The following TEX11 variants were observed in gnomAD, a reference collection of about 807,000 sequenced individuals.
The protein encoded by TEX11 is testis-expressed protein 11.
TEX11 carries 7 observed loss-of-function variants against 84.4 expected under a neutral mutation model. That is an observed-to-expected ratio of 0.08 (90% CI 0.05 to 0.16). TEX11 has a LOEUF of 0.16. Among genes scored for constraint, TEX11 ranks in the 10% least tolerant of loss-of-function variants. The pLI is 1.00. For synonymous variants in TEX11, 264 were observed against 222.8 expected (o/e 1.18, Z -1.64); for missense variants, 551 against 660.5 (o/e 0.83, Z 1.82).
At chrX:70,822,068 C>T (rs558371008) in intron 8 of TEX11, among the ~76,000 whole-genome samples, 3 of 110,863 alleles carry the variant, frequency 2.7e-5, no homozygotes, top group South Asian at 3.8e-4. Context: ...CTCTAGATTA[C>T]TTATAATATC....
chrX:70,662,231 T>G (rs985637610), intron 16 of TEX11, among the ~76,000 whole-genome samples: 13 of 111,666 alleles, frequency 1.2e-4, no homozygotes, highest in African/African-American at 3.6e-4. Flanking sequence ...CAAGCCTCAG[T>G]AGCCGATTCG....
chrX:70,703,327 A>C (rs995890360), intron 13 of TEX11, among the ~76,000 whole-genome samples: 5 of 111,802 alleles, frequency 4.5e-5, no homozygotes, highest in Non-Finnish European at 7.5e-5. Flanking sequence ...AAAGTGTTAT[A>C]ATATCATATC....
At chrX:70,879,952 G>A (rs1193069564) in intron 3 of TEX11, 36 bp downstream of exon 3, 13 of 1,112,350 alleles carry the variant, frequency 1.2e-5, no homozygotes, top group Admixed American at 5.0e-5. Context: ...AAGAATCATC[G>A]AAACTTATCA....
chrX:70,837,851 GAA>G (rs750050243), intron 7 of TEX11, among the ~76,000 whole-genome samples: 1 of 111,675 alleles, frequency 9.0e-6, no homozygotes, highest in South Asian at 3.8e-4. Flanking sequence ...TGGTGGTAGT[GAA>G]CATGAATCTT....
At chrX:70,515,900 T>C in the TEX11 span, among the ~76,000 whole-genome samples, 22 of 112,846 alleles carry the variant, frequency 1.9e-4, no homozygotes, top group Non-Finnish European at 3.2e-4. Flanking sequence ...CATGTGTCTG[T>C]TGGCTGCATA....
chrX:70,551,430 T>C (rs1470874737), intron 28 of TEX11, among the ~76,000 whole-genome samples: 1 of 111,520 alleles, frequency 9.0e-6, no homozygotes, highest in Admixed American at 9.5e-5. Flanking sequence ...CTTGAGGTGA[T>C]GGATACCCCA....
chrX:70,723,987 T>C (rs929110010), intron 12 of TEX11: 102 of 567,574 alleles, frequency 1.8e-4, no homozygotes, highest in Non-Finnish European at 2.1e-4. Context: ...ATGACTGACA[T>C]TGCAACTTCG....
At chrX:70,685,563 C>T in intron 13 of TEX11, among the ~76,000 whole-genome samples, 1 of 111,740 alleles carries the variant, frequency 8.9e-6, no homozygotes, top group Middle Eastern at 4.6e-3. Context: ...TTGTATAGAA[C>T]ACCAAAAGCA....
At chrX:70,697,692 G>T (rs905934155) in intron 13 of TEX11, among the ~76,000 whole-genome samples, 2 of 111,821 alleles carry the variant, frequency 1.8e-5, no homozygotes, top group Non-Finnish European at 3.8e-5. Flanking sequence ...TATGTTTATT[G>T]TATTAGTTCT....
intron 13 of TEX11, among the ~76,000 whole-genome samples, chrX:70,716,667 A>T (rs905286578): frequency 6.3e-5 from 7 of 111,937 alleles, no homozygotes; most frequent in Non-Finnish European, 1.3e-4. Context: ...GGAGTGACCA[A>T]ATTTTCCAGG....
At chrX:70,581,909 G>A (rs750173000) in intron 25 of TEX11, among the ~76,000 whole-genome samples, 6 of 111,723 alleles carry the variant, frequency 5.4e-5, no homozygotes, top group South Asian at 3.7e-4. Flanking sequence ...AAAGTAGTTT[G>A]TTTCTAAGAC....
chrX:70,807,579 A>T (rs1170972596), intron 8 of TEX11, among the ~76,000 whole-genome samples: 1 of 111,643 alleles, frequency 9.0e-6, no homozygotes, highest in Admixed American at 9.6e-5. Context: ...CCACCTATCT[A>T]GAGAATTTGA....
intron 25 of TEX11, among the ~76,000 whole-genome samples, chrX:70,571,380 T>C (rs1359813237): frequency 8.9e-6 from 1 of 112,151 alleles, no homozygotes; most frequent in African/African-American, 3.2e-5. Flanking sequence ...CTTTGTTACA[T>C]TCTTCCTTCT....
At chrX:70,548,853 G>T (rs2088173907) in intron 28 of TEX11, among the ~76,000 whole-genome samples, 1 of 111,455 alleles carries the variant, frequency 9.0e-6, no homozygotes, top group Non-Finnish European at 1.9e-5. Context: ...TGCAACTCCT[G>T]GGCAAATCTT....
At chrX:70,865,216 T>C (rs906713147) in intron 4 of TEX11, among the ~76,000 whole-genome samples, 1 of 109,036 alleles carries the variant, frequency 9.2e-6, no homozygotes, top group East Asian at 2.9e-4. Context: ...ACCAAGCAAA[T>C]GGAAAACAAA....
intron 16 of TEX11, among the ~76,000 whole-genome samples, chrX:70,666,359 A>C (rs1418184158): frequency 8.9e-6 from 1 of 112,228 alleles, no homozygotes; most frequent in Non-Finnish European, 1.9e-5. Context: ...GCATGAAAAA[A>C]GATACTGAGG....
intron 13 of TEX11, among the ~76,000 whole-genome samples, chrX:70,683,832 T>C (rs757632096): frequency 1.3e-4 from 14 of 111,638 alleles, no homozygotes; most frequent in Non-Finnish European, 2.3e-4. Flanking sequence ...GATAGACATA[T>C]AGACCAATGG....
intron 13 of TEX11, among the ~76,000 whole-genome samples, chrX:70,717,191 C>T (rs931132131): frequency 9.1e-6 from 1 of 110,396 alleles, no homozygotes; most frequent in Non-Finnish European, 1.9e-5. Flanking sequence ...AAAAAGATCG[C>T]TTAAGAGACA....
At chrX:70,609,428 C>T (rs775494746) in intron 21 of TEX11, among the ~76,000 whole-genome samples, 2 of 112,145 alleles carry the variant, frequency 1.8e-5, no homozygotes, top group Non-Finnish European at 3.8e-5. Context: ...TTAGTGCAAT[C>T]ATTCACCACC....
Sources: allele counts gnomAD v4.1 joint callset (sites outside exome capture counted in the v4.1 genomes callset), GRCh38; gene constraint gnomAD v4.1.1; transcripts MANE v1.5; gene names NCBI Gene and HGNC (gene_info 2026-07-23, HGNC 2026-07-21).